Variants in CNTNAP2 observed in about 807,000 individuals in gnomAD.
The protein encoded by CNTNAP2 is contactin-associated protein-like 2.
In CNTNAP2, 98 loss-of-function variants were observed where a neutral mutation model predicts 155.2. The ratio of observed to expected loss-of-function variants is 0.63; its 90% CI spans 0.54 to 0.75. The LOEUF is 0.75. CNTNAP2 is among the 30% of genes least tolerant of loss of function. The probability of loss-of-function intolerance (pLI) is 0.00; values close to 1 mark genes in which losing one functional copy is unlikely to be tolerated. For missense variants in CNTNAP2, 1,727 were observed against 1,688.1 expected (o/e 1.02, Z -0.40); for synonymous variants, 651 against 631.2 (o/e 1.03, Z -0.47).
chr7:146,541,939 C>T (rs368621435), intron 1 of CNTNAP2, among the ~76,000 whole-genome samples: 54 of 151,876 alleles, frequency 3.6e-4, no homozygotes, highest in African/African-American at 9.9e-4. Flanking sequence ...AAAAACTAAC[C>T]GTGGGATTGA....
Position 146,856,297 on chromosome 7 carries a change from G to GATACATAC in CNTNAP2, c.402+16433_402+16440dup, listed in dbSNP as rs71165043. ...AGATAGATAGATAGATAGATAGATA[G>GATACATAC]ATACATACATACATACATACATACA... On this transcript the variant is annotated intron_variant, in intron 3 of 23. Coordinates refer to ENST00000361727, the MANE Select transcript of CNTNAP2 (RefSeq NM_014141.6). Among the ~76,000 whole-genome samples, 564 of 116,684 alleles carry GATACATAC rather than the reference G, an allele frequency of 4.8e-3. 2 individuals carry two copies. The highest frequency in any genetic ancestry group is 5.7e-3 in the African/African-American group (174 of 30,488). The allele number at this position is 116,684 out of a possible 152,430, so 76.5% of individuals were successfully genotyped here. A position where few individuals can be genotyped will look rare whatever the true frequency, so the allele number is the denominator to read the frequency against.
At chr7:147,361,248 C>T (rs894600438) in intron 9 of CNTNAP2, among the ~76,000 whole-genome samples, 2 of 152,118 alleles carry the variant, frequency 1.3e-5, no homozygotes, top group Non-Finnish European at 2.9e-5. Context: ...ACTCTTTTAC[C>T]TATTCTGAAA....
intron 8 of CNTNAP2, among the ~76,000 whole-genome samples, chr7:147,204,732 T>C (rs1335926360): frequency 6.6e-6 from 1 of 152,110 alleles, no homozygotes; most frequent in African/African-American, 2.4e-5. Context: ...AATGAATAAA[T>C]ATTAGGGGAA....
At chr7:146,713,536 G>A (rs942360743) in intron 1 of CNTNAP2, among the ~76,000 whole-genome samples, 4 of 152,050 alleles carry the variant, frequency 2.6e-5, no homozygotes, top group African/African-American at 4.8e-5. Flanking sequence ...GTTCTCTCCT[G>A]CCCAACCACC....
At position 147,382,746 on chromosome 7, in the gene CNTNAP2, A is replaced by C. The variant is rs563023090; in HGVS notation, c.1499-12863A>C. Reference sequence around the variant, plus strand: ...GAAGTAGCCTAGGACAAGCTTTAGGAACTCTCTCACTTACAGACGAGGTAA... The same window carrying C: ...GAAGTAGCCTAGGACAAGCTTTAGGCACTCTCTCACTTACAGACGAGGTAA... On this transcript the variant is annotated intron_variant, in intron 9 of 23. Coordinates refer to ENST00000361727, the MANE Select transcript of CNTNAP2 (RefSeq NM_014141.6). 5.9e-5 allele frequency among the ~76,000 whole-genome samples: 9 copies of C among 152,266 alleles called. No individual in the cohort carries two copies. The South Asian group carries it at 1.9e-3, about 32-fold the overall frequency.
At chr7:148,383,392 G>T (rs1030975318) in intron 21 of CNTNAP2, among the ~76,000 whole-genome samples, 4 of 152,140 alleles carry the variant, frequency 2.6e-5, no homozygotes, top group African/African-American at 9.7e-5. Context: ...GAAGTAGCCA[G>T]AAGGTACTGA....
intron 15 of CNTNAP2, among the ~76,000 whole-genome samples, chr7:148,005,490 A>G (rs945156117): frequency 6.6e-6 from 1 of 152,018 alleles, no homozygotes; most frequent in Non-Finnish European, 1.5e-5. Flanking sequence ...AGGGTAAACA[A>G]TCGCCACTGT....
intron 1 of CNTNAP2, among the ~76,000 whole-genome samples, chr7:146,461,434 TAA>T (rs1796635977): frequency 6.6e-6 from 1 of 151,214 alleles, no homozygotes; most frequent in Admixed American, 6.6e-5. Context: ...ATAATAATAA[TAA>T]TACCTTAATA....
intron 1 of CNTNAP2, among the ~76,000 whole-genome samples, chr7:146,319,415 C>T (rs143184821): frequency 2.3e-4 from 35 of 152,246 alleles, no homozygotes; most frequent in African/African-American, 7.7e-4. Context: ...GTAGTAAAAG[C>T]TTGAATCTAT....
intron 1 of CNTNAP2, among the ~76,000 whole-genome samples, chr7:146,136,899 C>T (rs1198220885): frequency 1.3e-5 from 2 of 152,136 alleles, no homozygotes; most frequent in Non-Finnish European, 2.9e-5. Flanking sequence ...GGTGAATTTC[C>T]AGCAAAAGAA....
chr7:146,667,068 G>A (rs568611951), intron 1 of CNTNAP2, among the ~76,000 whole-genome samples: 27 of 152,160 alleles, frequency 1.8e-4, no homozygotes, highest in Non-Finnish European at 3.5e-4. Flanking sequence ...TTCCAGACCA[G>A]TGTCTTGAAG....
At chr7:146,573,292 G>A (rs1331945633) in intron 1 of CNTNAP2, among the ~76,000 whole-genome samples, 2 of 152,024 alleles carry the variant, frequency 1.3e-5, no homozygotes, top group African/African-American at 2.4e-5. Flanking sequence ...ACCAGTGCAC[G>A]CCACCATGCC....
chr7:147,754,008 A>G, intron 13 of CNTNAP2, among the ~76,000 whole-genome samples: 1 of 152,156 alleles, frequency 6.6e-6, no homozygotes, highest in East Asian at 1.9e-4. Flanking sequence ...GCAACCCTGC[A>G]GCCCTAAGTA....
intron 12 of CNTNAP2, among the ~76,000 whole-genome samples, chr7:147,606,438 T>C (rs1017246945): frequency 1.3e-5 from 2 of 152,226 alleles, no homozygotes; most frequent in African/African-American, 2.4e-5. Context: ...AGCTTAGCAT[T>C]TGGCAAAAAT....
At chr7:148,005,925 T>C (rs35341881) in intron 15 of CNTNAP2, among the ~76,000 whole-genome samples, 16,129 of 152,162 alleles carry the variant, frequency 0.11, 1,196 homozygotes, top group East Asian at 0.24. Context: ...TCCTGTAAGG[T>C]TTCTTTTCCT....
intron 3 of CNTNAP2, among the ~76,000 whole-genome samples, chr7:146,883,455 CAT>C (rs750110800): frequency 1.2e-4 from 18 of 152,256 alleles, no homozygotes; most frequent in East Asian, 5.8e-4. Flanking sequence ...AAGATTTACA[CAT>C]GTGTGTGCAC....
At chr7:147,451,914 GCCGTCTCTTGCTCTTCCA>G (rs1797841004) in intron 10 of CNTNAP2, among the ~76,000 whole-genome samples, 1 of 152,182 alleles carries the variant, frequency 6.6e-6, no homozygotes, top group South Asian at 2.1e-4. Context: ...GTGACCTCTT[GCCGTCTCTTGCTCTTCCA>G]CCATCTGCAA....
chr7:146,779,357 G>T (rs1228232463), intron 2 of CNTNAP2, among the ~76,000 whole-genome samples: 4 of 152,106 alleles, frequency 2.6e-5, no homozygotes, highest in African/African-American at 7.2e-5. Flanking sequence ...ACATCATTAG[G>T]TTCTAAAGTA....
chr7:146,491,551 A>G (rs1366430646), intron 1 of CNTNAP2, among the ~76,000 whole-genome samples: 1 of 152,084 alleles, frequency 6.6e-6, no homozygotes, highest in African/African-American at 2.4e-5. Flanking sequence ...TTAACTCCCC[A>G]AAGGGTACAA....
Sources: gnomAD v4.1 joint callset for allele counts (sites outside exome capture counted in the v4.1 genomes callset) on GRCh38, gnomAD v4.1.1 for gene constraint, MANE v1.5 for transcripts, NCBI Gene and HGNC (gene_info 2026-07-23, HGNC 2026-07-21) for gene names.